The following TENM2 variants were observed in gnomAD, a reference collection of about 807,000 sequenced individuals.
TENM2 encodes the protein teneurin-2.
Under a neutral mutation model 245.2 loss-of-function variants are expected in TENM2, and 52 were observed. That is an observed-to-expected ratio of 0.21 (90% CI 0.17 to 0.27). The LOEUF (loss-of-function observed/expected upper bound fraction) is 0.27. TENM2 is among the 10% of genes least tolerant of loss of function. The pLI, the probability that TENM2 is intolerant of heterozygous loss-of-function variation, is 1.00. For missense variants in TENM2, 3,046 were observed against 3,666.8 expected (o/e 0.83, Z 4.37); for synonymous variants, 1,363 against 1,438.9 (o/e 0.95, Z 1.19).
chr5:167,641,856 C>G, intron 2 of TENM2, among the ~76,000 whole-genome samples: 1 of 152,042 alleles, frequency 6.6e-6, no homozygotes, highest in East Asian at 1.9e-4. Context: ...AAAAATAACA[C>G]TCACGGCAGA....
At chr5:167,841,909 A>G (rs918222390) in intron 2 of TENM2, among the ~76,000 whole-genome samples, 3 of 151,944 alleles carry the variant, frequency 2.0e-5, no homozygotes, top group Admixed American at 6.6e-5. Context: ...TGTTTTATAT[A>G]TGTATATTCA....
At chr5:167,810,924 C>T (rs1449735768) in intron 2 of TENM2, among the ~76,000 whole-genome samples, 4 of 152,164 alleles carry the variant, frequency 2.6e-5, no homozygotes, top group Non-Finnish European at 4.4e-5. Flanking sequence ...TCTTTTCTTA[C>T]GTCTTCTCCT....
rs551229749 is a variant in TENM2 at position 167,540,377 on chromosome 5, G to T, written c.502+164904G>T. 9.9e-5 allele frequency among the ~76,000 whole-genome samples: 15 copies of T among 152,262 alleles called. No homozygotes were observed. In the South Asian group the frequency reaches 3.1e-3, roughly 32 times the overall value. On this transcript the variant is annotated intron_variant, in intron 2 of 28. Transcript: ENST00000518659. ...GACATGTGTGTGTTTTTGTACAGCT[G>T]TAAACTAAGAATAGGTTTTACATTT...
At chr5:167,980,574 C>G (rs374391709) in intron 4 of TENM2, among the ~76,000 whole-genome samples, 3 of 152,032 alleles carry the variant, frequency 2.0e-5, no homozygotes, top group Non-Finnish European at 4.4e-5. Context: ...GAGATGACCT[C>G]GACCATCACA....
intron 3 of TENM2, among the ~76,000 whole-genome samples, chr5:167,914,826 A>G (rs1275663834): frequency 6.6e-6 from 1 of 152,080 alleles, no homozygotes; most frequent in Admixed American, 6.5e-5. Flanking sequence ...GTGTGGTCAC[A>G]CGGTGCTCTC....
chr5:167,441,032 G>A (rs1764852385), intron 2 of TENM2, among the ~76,000 whole-genome samples: 1 of 152,104 alleles, frequency 6.6e-6, no homozygotes, highest in African/African-American at 2.4e-5. Flanking sequence ...TAATGACCCA[G>A]GAGGCAGCCA....
intron 2 of TENM2, among the ~76,000 whole-genome samples, chr5:167,735,604 A>G (rs1760740039): frequency 6.6e-6 from 1 of 152,158 alleles, no homozygotes; most frequent in Non-Finnish European, 1.5e-5. Flanking sequence ...CCAGAAGTTC[A>G]AGACCAGCCT....
At chr5:167,669,892 A>G (rs1390116186) in intron 2 of TENM2, among the ~76,000 whole-genome samples, 1 of 152,090 alleles carries the variant, frequency 6.6e-6, no homozygotes, top group Admixed American at 6.5e-5. Context: ...GACTATTAAA[A>G]TGGAATAAAA....
At chr5:167,739,024 C>T (rs35366185) in intron 2 of TENM2, among the ~76,000 whole-genome samples, 58,734 of 151,996 alleles carry the variant, frequency 0.39, 13,004 homozygotes, top group East Asian at 0.63. Flanking sequence ...TTGCAGAAAA[C>T]TGGATCATAT....
the TENM2 span, among the ~76,000 whole-genome samples, chr5:167,193,212 C>T: frequency 2.0e-5 from 3 of 151,920 alleles, no homozygotes; most frequent in Admixed American, 6.6e-5. Flanking sequence ...ACTTGTACAC[C>T]GCAGTTGTAG....
Position 168,124,155 on chromosome 5 carries a change from G to A in TENM2, c.2009-695G>A, listed in dbSNP as rs115121470. On this transcript the variant is annotated intron_variant, in intron 10 of 28. Coordinates refer to ENST00000518659, the Ensembl canonical transcript of TENM2. ...TGGTAGAAGGTCAGTGCCTCAGCCA[G>A]AGATAGCCATCCAGTCCCCTGGTGA... Among the ~76,000 whole-genome samples, 1,161 of 152,356 alleles carry A rather than the reference G, an allele frequency of 7.6e-3. 7 individuals carry two copies. The highest frequency in any genetic ancestry group is 0.027 in the African/African-American group (1,116 of 41,584).
At chr5:167,978,583 G>A (rs1202499191) in intron 4 of TENM2, among the ~76,000 whole-genome samples, 6 of 152,080 alleles carry the variant, frequency 3.9e-5, no homozygotes, top group Admixed American at 3.9e-4. Flanking sequence ...AATTCATAGA[G>A]ACAGAAACCA....
chr5:167,921,960 A>G (rs1056947385), intron 3 of TENM2, among the ~76,000 whole-genome samples: 3 of 152,154 alleles, frequency 2.0e-5, no homozygotes, highest in African/African-American at 7.2e-5. Context: ...GCACAATCAC[A>G]CTTATCTGAT....
chr5:167,171,084 A>G, the TENM2 span, among the ~76,000 whole-genome samples: 1 of 151,926 alleles, frequency 6.6e-6, no homozygotes, highest in Non-Finnish European at 1.5e-5. Flanking sequence ...ATCCTGGCCC[A>G]TGTCTTTAAT....
intron 1 of TENM2, among the ~76,000 whole-genome samples, chr5:167,335,542 A>C (rs1191318956): frequency 6.6e-6 from 1 of 152,130 alleles, no homozygotes; most frequent in East Asian, 1.9e-4. Context: ...TTCGTTTTGC[A>C]TACAAAAGAA....
At chr5:167,605,594 A>T (rs1230357171) in intron 2 of TENM2, among the ~76,000 whole-genome samples, 1 of 152,188 alleles carries the variant, frequency 6.6e-6, no homozygotes, top group African/African-American at 2.4e-5. Flanking sequence ...ACAAGTCCTT[A>T]TTTTCATCAG....
At chr5:167,515,677 A>ATATACATATATACG (rs1770328909) in intron 2 of TENM2, among the ~76,000 whole-genome samples, 2 of 148,676 alleles carry the variant, frequency 1.3e-5, no homozygotes, top group Non-Finnish European at 3.0e-5. Flanking sequence ...ATGTGTATAT[A>ATATACATATATACG]TATTTTGAGA....
chr5:167,776,663 A>T (rs1462712560), intron 2 of TENM2, among the ~76,000 whole-genome samples: 8 of 106,128 alleles, frequency 7.5e-5, no homozygotes, highest in Non-Finnish European at 1.3e-4. Context: ...ATATATATAT[A>T]TTTTTCATTA....
the TENM2 span, among the ~76,000 whole-genome samples, chr5:167,200,099 T>C: frequency 6.6e-6 from 1 of 152,092 alleles, no homozygotes; most frequent in African/African-American, 2.4e-5. Context: ...AAGACAATGA[T>C]TGAATGTCCT....
Sources: allele counts gnomAD v4.1 joint callset (sites outside exome capture counted in the v4.1 genomes callset), GRCh38; gene constraint gnomAD v4.1.1; transcripts MANE v1.5; gene names NCBI Gene and HGNC (gene_info 2026-07-23, HGNC 2026-07-21).